SDK1: variants seen among roughly 807,000 people sequenced by gnomAD.
SDK1 encodes protein sidekick-1.
A neutral mutation model predicts 245.5 loss-of-function variants in SDK1; 157 were observed. The observed-to-expected ratio is 0.64, with a 90% CI of 0.56 to 0.73. SDK1 has a LOEUF of 0.73. SDK1 is among the 30% of genes least tolerant of loss of function. SDK1 has a pLI of 0.00. For synonymous variants in SDK1, 1,647 were observed against 1,278.5 expected (o/e 1.29, Z -6.15); for missense variants, 3,583 against 3,002.3 (o/e 1.19, Z -4.52).
intron 1 of SDK1, among the ~76,000 whole-genome samples, chr7:3,413,879 G>T (rs903040595): frequency 1.3e-5 from 2 of 152,110 alleles, no homozygotes; most frequent in Non-Finnish European, 2.9e-5. Context: ...CCAGCTACTT[G>T]GGAGGATTGC....
chr7:3,343,157 G>A (rs1780394121), intron 1 of SDK1, among the ~76,000 whole-genome samples: 1 of 152,142 alleles, frequency 6.6e-6, no homozygotes, highest in Non-Finnish European at 1.5e-5. Context: ...CTTGGCAAGT[G>A]TACTCTTGGA....
chr7:3,871,254 C>T (rs6963033), intron 5 of SDK1, among the ~76,000 whole-genome samples: 7,756 of 152,024 alleles, frequency 0.051, 614 homozygotes, highest in African/African-American at 0.17. Context: ...TTGGTCCTTA[C>T]ATATTGACCT....
intron 5 of SDK1, among the ~76,000 whole-genome samples, chr7:3,857,240 T>C (rs976625060): frequency 7.9e-5 from 12 of 151,938 alleles, no homozygotes; most frequent in Non-Finnish European, 1.6e-4. Context: ...ACTATTAACA[T>C]TGTACTCAGG....
At chr7:3,760,708 T>C (rs1780072090) in intron 4 of SDK1, among the ~76,000 whole-genome samples, 1 of 152,202 alleles carries the variant, frequency 6.6e-6, no homozygotes, top group Non-Finnish European at 1.5e-5. Flanking sequence ...ATTGTGTCTT[T>C]TGGGATGATA....
At chr7:4,169,488 C>G (rs1238744161) in intron 32 of SDK1, among the ~76,000 whole-genome samples, 1 of 152,226 alleles carries the variant, frequency 6.6e-6, no homozygotes, top group Admixed American at 6.5e-5. Flanking sequence ...GCCTCCTCCT[C>G]CAAGGGCAGC....
chr7:3,345,818 C>CA (rs2128556027), intron 1 of SDK1, among the ~76,000 whole-genome samples: 1 of 152,264 alleles, frequency 6.6e-6, no homozygotes, highest in African/African-American at 2.4e-5. Flanking sequence ...TAGCTTCTCG[C>CA]AGTAATGTTT....
chr7:3,977,749 C>G (rs982726452), intron 13 of SDK1, among the ~76,000 whole-genome samples: 7 of 152,258 alleles, frequency 4.6e-5, no homozygotes, highest in Non-Finnish European at 1.0e-4. Context: ...GCTCCCTCTC[C>G]TCCTGGAACA....
chr7:3,360,637 C>T (rs966140775), intron 1 of SDK1, among the ~76,000 whole-genome samples: 3 of 152,144 alleles, frequency 2.0e-5, no homozygotes, highest in Admixed American at 6.5e-5. Context: ...GACAAGCTGG[C>T]GTTGGATTGC....
chr7:3,693,268 T>G (rs1784483029), intron 4 of SDK1, among the ~76,000 whole-genome samples: 1 of 152,230 alleles, frequency 6.6e-6, no homozygotes, highest in South Asian at 2.1e-4. Flanking sequence ...TTTCTTTTAC[T>G]AATTTCCCTT....
intron 5 of SDK1, among the ~76,000 whole-genome samples, chr7:3,865,232 G>A (rs1049427383): frequency 1.1e-4 from 17 of 152,176 alleles, no homozygotes; most frequent in Non-Finnish European, 1.9e-4. Flanking sequence ...GGAGGTTGTG[G>A]AAGCAGGGAG....
intron 31 of SDK1, among the ~76,000 whole-genome samples, chr7:4,160,943 C>G (rs1781072996): frequency 6.6e-6 from 1 of 152,196 alleles, no homozygotes; most frequent in African/African-American, 2.4e-5. Context: ...AGTGGAGAGG[C>G]ATCTGCTAGA....
Position 4,268,375 on chromosome 7 carries a change from C to T in SDK1, c.*2991C>T. On this transcript the variant is annotated 3_prime_UTR_variant, in exon 45 of 45. Coordinates refer to ENST00000404826, the MANE Select transcript of SDK1 (RefSeq NM_152744.4). ...CACACCCCCTCGGCCTCCTGCACGGCCACCTTCTGGGTGAATCGGTCCAGC... is the reference window on the plus strand; with the variant it reads ...CACACCCCCTCGGCCTCCTGCACGGTCACCTTCTGGGTGAATCGGTCCAGC... The T allele has an allele frequency of 9.5e-7, 1 of 1,057,440 alleles. No homozygotes were observed. Among genetic ancestry groups the T allele is most frequent in the Non-Finnish European group, 1.1e-6 (1 of 870,518 alleles). The allele number at this position is 1,057,440 out of a possible 1,614,324, so 65.5% of individuals were successfully genotyped here.
chr7:3,880,252 A>G (rs1433796666), intron 5 of SDK1, among the ~76,000 whole-genome samples: 1 of 152,236 alleles, frequency 6.6e-6, no homozygotes, highest in Admixed American at 6.5e-5. Flanking sequence ...CATTAGCTCT[A>G]TTAGAAATAA....
At chr7:3,590,078 TA>T (rs1780815249) in intron 1 of SDK1, among the ~76,000 whole-genome samples, 1 of 152,292 alleles carries the variant, frequency 6.6e-6, no homozygotes, top group African/African-American at 2.4e-5. Flanking sequence ...ACGTATGTGT[TA>T]GGGGATAGAT....
At chr7:3,367,764 T>C (rs1781128654) in intron 1 of SDK1, among the ~76,000 whole-genome samples, 2 of 152,234 alleles carry the variant, frequency 1.3e-5, no homozygotes, top group South Asian at 4.1e-4. Context: ...AACTGTAAAA[T>C]TGGCTAGTAG....
intron 1 of SDK1, among the ~76,000 whole-genome samples, chr7:3,580,899 C>T (rs1209500738): frequency 1.5e-5 from 2 of 133,352 alleles, no homozygotes; most frequent in African/African-American, 5.7e-5. Flanking sequence ...ACTGAGGAGG[C>T]AGAAGTTGCA....
intron 2 of SDK1, among the ~76,000 whole-genome samples, chr7:3,631,214 G>A (rs575988670): frequency 6.6e-6 from 1 of 152,324 alleles, no homozygotes; most frequent in South Asian, 2.1e-4. Context: ...GATTACAGAT[G>A]TGAGCCACCA....
rs370806047 is a variant in SDK1, at chr7:3,651,633, TGAC to T, written c.713+9530_713+9532del. Among the ~76,000 whole-genome samples the T allele has an allele frequency of 2.0e-3, 307 of 152,304 alleles. 4 individuals are homozygous for T. The highest frequency in any genetic ancestry group is 7.3e-3 in the African/African-American group (303 of 41,558). On this transcript the variant is annotated intron_variant, in intron 4 of 44. Coordinates refer to ENST00000404826, the MANE Select transcript of SDK1 (RefSeq NM_152744.4). ...AGATACTATGCAGAGACCAATGCTA[TGAC>T]GTTTCCTAAGATGATGACTCTTCAC...
intron 1 of SDK1, among the ~76,000 whole-genome samples, chr7:3,472,255 T>C (rs947525834): frequency 2.0e-5 from 3 of 152,220 alleles, no homozygotes; most frequent in Admixed American, 1.3e-4. Context: ...TTTATAATTT[T>C]GTAATACCTT....
Sources: allele counts gnomAD v4.1 joint callset (sites outside exome capture counted in the v4.1 genomes callset), GRCh38; gene constraint gnomAD v4.1.1; transcripts MANE v1.5; gene names NCBI Gene and HGNC (gene_info 2026-07-23, HGNC 2026-07-21).